Variants in AP1S1 observed in about 807,000 individuals in gnomAD.
AP1S1 encodes AP-1 complex subunit sigma-1A.
AP1S1 carries 13 observed loss-of-function variants against 23.9 expected under a neutral mutation model. The observed-to-expected ratio is 0.54, with a 90% CI of 0.35 to 0.86. The LOEUF is 0.86. Among genes scored for constraint, AP1S1 ranks in the 40% least tolerant of loss-of-function variants. AP1S1 has a pLI of 0.01. For synonymous variants in AP1S1, 84 were observed against 77.7 expected (o/e 1.08, Z -0.43); for missense variants, 119 against 197.6 (o/e 0.60, Z 2.38).
At chr7:101,159,559 G>A (rs1797052655) in intron 4 of AP1S1, 2 of 212,768 alleles carry the variant, frequency 9.4e-6, no homozygotes, top group African/African-American at 2.3e-5. Flanking sequence ...TGGAGAAGGG[G>A]CACCTGGTAG....
chr7:101,155,748 G>A (rs1048389275), intron 1 of AP1S1, among the ~76,000 whole-genome samples: 23 of 152,114 alleles, frequency 1.5e-4, no homozygotes, highest in Admixed American at 6.6e-5. Flanking sequence ...ATGATGGGGT[G>A]GAAAATTGAG....
rs150440069 is a variant in AP1S1 at position 101,160,969 on chromosome 7, C to T, written c.*403C>T. On this transcript the variant is annotated 3_prime_UTR_variant, in exon 5 of 5. Transcript: ENST00000337619. ...CTCTGTCCCATAACCTACCTCCACC[C>T]TCCCCCTAGCCAGCCAGGCAGCTTC... 3.7e-6 allele frequency: 1 copy of T among 268,092 alleles called. No individual in the cohort carries two copies. Among genetic ancestry groups the T allele is most frequent in the South Asian group, 2.8e-5 (1 of 36,038 alleles). The allele number at this position is 268,092 out of a possible 1,614,324, so 16.6% of individuals were successfully genotyped here. A position where few individuals can be genotyped will look rare whatever the true frequency, so the allele number is the denominator to read the frequency against.
rs1468525784 is a variant in AP1S1, at chr7:101,156,744, TG to T, written c.156del (p.Trp52Ter). ...GCCCAAGATGTGCAGCTTCCTGGAG[TG>T]GAGGGACCTCAAAGTTGTCTATAAG... ...RKPKMCSFLE[W>X]RDLKVVYKRY... On this transcript the variant is annotated frameshift_variant, in exon 2 of 5. Transcript: ENST00000337619. LOFTEE classifies it high-confidence loss of function. 1 of 1,590,228 alleles carries T rather than the reference TG, an allele frequency of 6.3e-7. No individual in the cohort carries two copies. The highest frequency in any genetic ancestry group is 8.6e-7 in the Non-Finnish European group (1 of 1,165,784).
Position 101,160,599 on chromosome 7 carries a change from CTGGCAGCG to C in AP1S1, c.*38_*45del. Reference sequence around the variant, plus strand: ...TGGGCCGGGGTGTGGCGATGGGGTCCTGGCAGCGTGGCGGGAACGGCTGCTTCTCCTCT... The same window carrying C: ...TGGGCCGGGGTGTGGCGATGGGGTCCTGGCGGGAACGGCTGCTTCTCCTCT... On this transcript the variant is annotated 3_prime_UTR_variant, in exon 5 of 5. Coordinates refer to ENST00000337619, the MANE Select transcript of AP1S1 (RefSeq NM_001283.5). 1 of 1,608,010 alleles carries C rather than the reference CTGGCAGCG, an allele frequency of 6.2e-7. No homozygotes were observed.
intron 4 of AP1S1, 89 bp downstream of exon 4, chr7:101,159,285 A>T (rs1797046629): frequency 1.3e-6 from 2 of 1,517,120 alleles, no homozygotes; most frequent in Non-Finnish European, 1.8e-6. Flanking sequence ...TGCCCTGCCC[A>T]CCGTCGCCAA....
chr7:101,160,671 C>T lies in AP1S1; in HGVS notation c.*105C>T. The T allele has an allele frequency of 7.6e-7, 1 of 1,317,904 alleles. No individual in the cohort carries two copies. The highest frequency in any genetic ancestry group is 1.2e-5 in the South Asian group (1 of 83,124). 81.6% of individuals were successfully genotyped at this position (1,317,904 alleles called of 1,614,324 possible). On this transcript the variant is annotated 3_prime_UTR_variant, in exon 5 of 5. Transcript: ENST00000337619. ...TTCTTGGTGGGACTCGGCTGCCCCT[C>T]CTCTGCTGCCTCACCTTTCGGAGTG...
chr7:101,156,115 C>T (rs1256724607), intron 1 of AP1S1, among the ~76,000 whole-genome samples: 1 of 152,054 alleles, frequency 6.6e-6, no homozygotes, highest in Non-Finnish European at 1.5e-5. Flanking sequence ...GACTGTAATC[C>T]CAGCTACTCA....
Position 101,160,901 on chromosome 7 carries a change from T to C in AP1S1, c.*335T>C. 1 of 485,874 alleles carries C rather than the reference T, an allele frequency of 2.1e-6. No individual in the cohort carries two copies. Among genetic ancestry groups the C allele is most frequent in the Non-Finnish European group, 4.0e-6 (1 of 251,810 alleles). The allele number at this position is 485,874 out of a possible 1,614,324, so 30.1% of individuals were successfully genotyped here. On this transcript the variant is annotated 3_prime_UTR_variant, in exon 5 of 5. Transcript: ENST00000337619. The stretch of plus-strand genomic sequence containing the variant: ...CCTAATAACTGTAAATATATAAATA[T>C]GTCAGGTTAAAGGGAAAAGGTGTTC...
chr7:101,154,643 G>T (rs1796961486), intron 1 of AP1S1, 126 bp downstream of exon 1: 2 of 1,292,270 alleles, frequency 1.5e-6, no homozygotes, highest in Non-Finnish European at 2.0e-6. Context: ...GGCCTCCCTT[G>T]CCTCGGCGGG....
intron 3 of AP1S1, 53 bp downstream of exon 3, chr7:101,157,538 C>A: frequency 7.0e-7 from 1 of 1,430,388 alleles, no homozygotes; most frequent in South Asian, 1.2e-5. Flanking sequence ...CTTTGGTAAT[C>A]CACCAAACTT....
At chr7:101,159,390 CAGAT>C (rs1343272582) in intron 4 of AP1S1, 194 bp downstream of exon 4, 2 of 724,336 alleles carry the variant, frequency 2.8e-6, no homozygotes, top group African/African-American at 1.8e-5. Flanking sequence ...GGTAGGGTGG[CAGAT>C]AGCCCACCTG....
At chr7:101,159,982 GCGCGCACACACA>G (rs1233767620) in intron 4 of AP1S1, among the ~76,000 whole-genome samples, 1 of 59,784 alleles carries the variant, frequency 1.7e-5, no homozygotes, top group African/African-American at 4.7e-5. Flanking sequence ...ACACACCCTG[GCGCGCACACACA>G]CACACACACA....
At chr7:101,156,222 ACT>A (rs1312447964) in intron 1 of AP1S1, among the ~76,000 whole-genome samples, 1 of 152,052 alleles carries the variant, frequency 6.6e-6, no homozygotes, top group Non-Finnish European at 1.5e-5. Context: ...ACAGAGAGAG[ACT>A]CTGTCTCAAA....
At chr7:101,160,445 G>A (rs938600829) in intron 4 of AP1S1, 74 bp from the exon 5 acceptor site, 29 of 1,548,204 alleles carry the variant, frequency 1.9e-5, no homozygotes, top group Middle Eastern at 1.7e-4. Context: ...ACTCTTCCTC[G>A]TGACTGCTGT....
chr7:101,159,696 G>C (rs1797056443), intron 4 of AP1S1: 1 of 156,588 alleles, frequency 6.4e-6, no homozygotes, highest in African/African-American at 2.4e-5. Context: ...TTTGGGGGCT[G>C]GCAGAGGGCA....
At position 101,161,176 on chromosome 7, in the gene AP1S1, A is replaced by G. The variant is rs995771239; in HGVS notation, c.*610A>G. 4 of 197,624 alleles carry G rather than the reference A, an allele frequency of 2.0e-5. No individual in the cohort carries two copies. Among genetic ancestry groups the G allele is most frequent in the Admixed American group, 5.7e-5 (1 of 17,528 alleles). The allele number at this position is 197,624 out of a possible 1,614,324, so 12.2% of individuals were successfully genotyped here. ...GGTCCTGGCCCTGGCCTTTCACTCC[A>G]GTTCTGGGTGAGGCAGGAGCTGGGA... On this transcript the variant is annotated 3_prime_UTR_variant, in exon 5 of 5. Coordinates refer to ENST00000337619, the MANE Select transcript of AP1S1 (RefSeq NM_001283.5).
At position 101,161,056 on chromosome 7, in the gene AP1S1, C is replaced by G. The variant is rs1292723462; in HGVS notation, c.*490C>G. 2.9e-6 allele frequency: 1 copy of G among 344,668 alleles called. No individual in the cohort carries two copies. Among genetic ancestry groups the G allele is most frequent in the Non-Finnish European group, 5.7e-6 (1 of 176,762 alleles). 21.4% of individuals were successfully genotyped at this position (344,668 alleles called of 1,614,324 possible). A position where few individuals can be genotyped will look rare whatever the true frequency, so the allele number is the denominator to read the frequency against. On this transcript the variant is annotated 3_prime_UTR_variant, in exon 5 of 5. Coordinates refer to ENST00000337619, the MANE Select transcript of AP1S1 (RefSeq NM_001283.5). ...CCTTGGCTGCAGTGGGGCCTTTATC[C>G]AGTGCCAGGGAGGAACAACATAGTT...
Position 101,160,690 on chromosome 7 carries a change from C to A in AP1S1, c.*124C>A. The A allele has an allele frequency of 8.6e-7, 1 of 1,162,464 alleles. No individual in the cohort carries two copies. The highest frequency in any genetic ancestry group is 1.3e-6 in the Non-Finnish European group (1 of 793,778). 72.0% of individuals were successfully genotyped at this position (1,162,464 alleles called of 1,614,324 possible). On this transcript the variant is annotated 3_prime_UTR_variant, in exon 5 of 5. Transcript: ENST00000337619. ...GCCCCTCCTCTGCTGCCTCACCTTT[C>A]GGAGTGAGCTGTGGGCTCAGGCCCT...
intron 3 of AP1S1, among the ~76,000 whole-genome samples, chr7:101,157,750 G>A (rs1032418612): frequency 2.0e-5 from 3 of 152,216 alleles, no homozygotes; most frequent in African/African-American, 4.8e-5. Context: ...CAGAGACCAA[G>A]TTCAGATGTT....
Sources: gnomAD v4.1 joint callset for allele counts (sites outside exome capture counted in the v4.1 genomes callset) on GRCh38, gnomAD v4.1.1 for gene constraint, MANE v1.5 for transcripts, NCBI Gene and HGNC (gene_info 2026-07-23, HGNC 2026-07-21) for gene names.